Variants in RBMS3 observed in about 807,000 individuals in gnomAD.
RBMS3 encodes RNA-binding motif, single-stranded-interacting protein 3.
In RBMS3, 27 loss-of-function variants were observed where a neutral mutation model predicts 66.8. The observed-to-expected ratio is 0.40, with a 90% CI of 0.30 to 0.56. The LOEUF is 0.56. Ranked by LOEUF, RBMS3 falls within the 20% of genes least tolerant of loss-of-function variation. RBMS3 has a pLI of 0.40. For synonymous variants in RBMS3, 188 were observed against 183.0 expected (o/e 1.03, Z -0.22); for missense variants, 513 against 549.5 (o/e 0.93, Z 0.66).
chr3:29,930,535 C>T (rs991051935), intron 10 of RBMS3, among the ~76,000 whole-genome samples: 11 of 151,892 alleles, frequency 7.2e-5, no homozygotes, highest in Non-Finnish European at 1.3e-4. Context: ...CCTGGGTTTG[C>T]TGGATAATTA....
intron 1 of RBMS3, among the ~76,000 whole-genome samples, chr3:29,375,172 C>A (rs1427860173): frequency 1.3e-5 from 2 of 152,170 alleles, no homozygotes; most frequent in Non-Finnish European, 2.9e-5. Flanking sequence ...AAAATTGAAA[C>A]TGGACCCCTT....
chr3:29,646,955 C>T (rs1349846990), intron 4 of RBMS3, among the ~76,000 whole-genome samples: 1 of 151,998 alleles, frequency 6.6e-6, no homozygotes, highest in Non-Finnish European at 1.5e-5. Flanking sequence ...AGGCAAATAC[C>T]AGGCTTCAGA....
At chr3:29,824,986 A>G (rs542212835) in intron 6 of RBMS3, among the ~76,000 whole-genome samples, 1 of 151,486 alleles carries the variant, frequency 6.6e-6, no homozygotes, top group East Asian at 1.9e-4. Context: ...GACATTATTC[A>G]TTGCCCCAAA....
chr3:29,526,759 C>G lies in RBMS3; in HGVS notation c.307+38260C>G, dbSNP rs574380477. On this transcript the variant is annotated intron_variant, in intron 3 of 14. Coordinates refer to ENST00000383767, the MANE Select transcript of RBMS3 (RefSeq NM_001003793.3). ...TCTCTTTAGAGCAAATGGAATAAGT[C>G]TAATATGACCCATCTAATATTTAAA... 3.9e-5 allele frequency among the ~76,000 whole-genome samples: 6 copies of G among 152,032 alleles called. No individual in the cohort carries two copies. The South Asian group carries it at 1.2e-3, about 32-fold the overall frequency.
rs71091080 is a variant in RBMS3, at chr3:29,838,173, CAA to C, written c.638-30667_638-30666del. On this transcript the variant is annotated intron_variant, in intron 6 of 14. Coordinates refer to ENST00000383767, the MANE Select transcript of RBMS3 (RefSeq NM_001003793.3). ...GCAACATAGTGAGACCTCATCTCTACAAAAAAAAAAAAAAAAAAAGCCAGCTG... is the reference window on the plus strand; with the variant it reads ...GCAACATAGTGAGACCTCATCTCTACAAAAAAAAAAAAAAAAAGCCAGCTG... 3.2e-3 allele frequency among the ~76,000 whole-genome samples: 264 copies of C among 83,038 alleles called. 1 individual carries two copies. Among genetic ancestry groups the C allele is most frequent in the African/African-American group, 0.012 (247 of 21,242 alleles). 54.5% of individuals were successfully genotyped at this position (83,038 alleles called of 152,430 possible).
chr3:29,896,720 T>A (rs1461609847), intron 8 of RBMS3, among the ~76,000 whole-genome samples: 1 of 151,604 alleles, frequency 6.6e-6, no homozygotes, highest in Non-Finnish European at 1.5e-5. Flanking sequence ...TGTGAATTCC[T>A]GATCTTGTAG....
At chr3:29,337,801 G>C (rs1444905421) in intron 1 of RBMS3, among the ~76,000 whole-genome samples, 1 of 152,126 alleles carries the variant, frequency 6.6e-6, no homozygotes, top group Non-Finnish European at 1.5e-5. Flanking sequence ...AATACTACTT[G>C]TCTCTACAAA....
At chr3:29,598,143 T>C (rs757657778) in intron 4 of RBMS3, among the ~76,000 whole-genome samples, 6 of 152,138 alleles carry the variant, frequency 3.9e-5, no homozygotes, top group Non-Finnish European at 7.4e-5. Flanking sequence ...TATCCATAGT[T>C]AGACATTAAT....
At position 29,466,826 on chromosome 3, in the gene RBMS3, C is replaced by T. The variant is rs565268179; in HGVS notation, c.249-21615C>T. 1.2e-3 allele frequency among the ~76,000 whole-genome samples: 179 copies of T among 152,132 alleles called. 1 individual carries two copies. Among genetic ancestry groups the T allele is most frequent in the African/African-American group, 4.2e-3 (173 of 41,506 alleles). Reference sequence around the variant, plus strand: ...ATCTGTGATTTAGGTAATAATTGCACTATAATTTTAACTCTCTATGCAGTT... The same window carrying T: ...ATCTGTGATTTAGGTAATAATTGCATTATAATTTTAACTCTCTATGCAGTT... On this transcript the variant is annotated intron_variant, in intron 2 of 14. Transcript: ENST00000383767.
intron 6 of RBMS3, among the ~76,000 whole-genome samples, chr3:29,830,822 A>T (rs936795731): frequency 1.3e-5 from 2 of 152,138 alleles, no homozygotes; most frequent in African/African-American, 4.8e-5. Context: ...TGATGTTTTT[A>T]ACACCATTTG....
intron 3 of RBMS3, among the ~76,000 whole-genome samples, chr3:29,491,706 C>T (rs973697603): frequency 6.6e-5 from 10 of 152,068 alleles, no homozygotes; most frequent in Admixed American, 2.0e-4. Flanking sequence ...AATTGGACAG[C>T]GGTTAGGCCG....
intron 1 of RBMS3, among the ~76,000 whole-genome samples, chr3:29,330,762 C>T (rs758969532): frequency 3.3e-5 from 5 of 152,156 alleles, no homozygotes; most frequent in Non-Finnish European, 7.3e-5. Context: ...ATTATATAAG[C>T]ACACAGCACC....
At chr3:29,396,916 C>T (rs775218089) in intron 1 of RBMS3, among the ~76,000 whole-genome samples, 5 of 152,086 alleles carry the variant, frequency 3.3e-5, no homozygotes, top group Non-Finnish European at 7.4e-5. Flanking sequence ...TAAGATGTTT[C>T]GTGCATAAAA....
chr3:29,740,001 C>A, intron 5 of RBMS3, 124 bp downstream of exon 5: 1 of 739,830 alleles, frequency 1.4e-6, no homozygotes, highest in Non-Finnish European at 2.0e-6. Context: ...TTAAAAGTAG[C>A]TTATCAAATC....
At chr3:29,490,469 C>T (rs919446945) in intron 3 of RBMS3, among the ~76,000 whole-genome samples, 2 of 152,034 alleles carry the variant, frequency 1.3e-5, no homozygotes, top group African/African-American at 4.8e-5. Flanking sequence ...GTTGAGTCTT[C>T]TGATTGGGAA....
intron 1 of RBMS3, among the ~76,000 whole-genome samples, chr3:29,287,282 C>A (rs2032431920): frequency 6.6e-6 from 1 of 152,034 alleles, no homozygotes; most frequent in Non-Finnish European, 1.5e-5. Context: ...GATCTGAAAC[C>A]AATTCAAGTG....
intron 6 of RBMS3, among the ~76,000 whole-genome samples, chr3:29,827,336 A>G (rs527735417): frequency 6.6e-6 from 1 of 152,310 alleles, no homozygotes; most frequent in South Asian, 2.1e-4. Flanking sequence ...TTTGAATGCA[A>G]TGGTTCTTTC....
At chr3:29,866,495 T>C (rs999005043) in intron 6 of RBMS3, among the ~76,000 whole-genome samples, 2 of 152,230 alleles carry the variant, frequency 1.3e-5, no homozygotes, top group African/African-American at 4.8e-5. Flanking sequence ...TTTGTACCAC[T>C]GACAGTGATG....
chr3:29,502,248 T>C (rs1240417737), intron 3 of RBMS3, among the ~76,000 whole-genome samples: 1 of 152,030 alleles, frequency 6.6e-6, no homozygotes, highest in African/African-American at 2.4e-5. Flanking sequence ...CTAACAAAAT[T>C]ATTATTATTC....
Sources: allele counts gnomAD v4.1 joint callset (sites outside exome capture counted in the v4.1 genomes callset), GRCh38; gene constraint gnomAD v4.1.1; transcripts MANE v1.5; gene names NCBI Gene and HGNC (gene_info 2026-07-23, HGNC 2026-07-21).